Variants in CSPG5 observed in about 807,000 individuals in gnomAD.
CSPG5 encodes acidic leucine-rich EGF-like domain-containing brain protein.
CSPG5 carries 25 observed loss-of-function variants against 39.8 expected under a neutral mutation model. The ratio of observed to expected loss-of-function variants is 0.63; its 90% CI spans 0.46 to 0.88. CSPG5 has a LOEUF of 0.88. Among genes scored for constraint, CSPG5 ranks in the 40% least tolerant of loss-of-function variants. The probability of loss-of-function intolerance (pLI) is 0.00; values close to 1 mark genes in which losing one functional copy is unlikely to be tolerated. For synonymous variants in CSPG5, 295 were observed against 303.9 expected, an observed-to-expected ratio of 0.97 and a Z score of 0.31; for missense variants, 627 against 702.2, an observed-to-expected ratio of 0.89 and a Z score of 1.21.
At position 47,572,556 on chromosome 3, in the gene CSPG5, C is replaced by G. The variant is rs1206366087; in HGVS notation, c.1382+130G>C. On this transcript the variant is annotated intron_variant, in intron 3 of 4. Coordinates refer to ENST00000264723, the MANE Select transcript of CSPG5 (RefSeq NM_006574.4). The surrounding 1 kb of genome is among the most constrained non-coding windows in gnomAD (Gnocchi z 4.5). ...GAGTGAATTTTTAGCACAGACAAAA[C>G]AGCTGGGAATGGAGCACAGGTGCCA... 1.0e-5 allele frequency: 8 copies of G among 773,138 alleles called. No individual in the cohort carries two copies. Among genetic ancestry groups the G allele is most frequent in the African/African-American group, 1.7e-5 (1 of 57,658 alleles). The allele number at this position is 773,138 out of a possible 1,614,324, so 47.9% of individuals were successfully genotyped here. A position where few individuals can be genotyped will look rare whatever the true frequency, so the allele number is the denominator to read the frequency against.
rs1249629778 is a variant in CSPG5 at position 47,578,073 on chromosome 3, C to A, written c.98-145G>T. The A allele has an allele frequency of 8.2e-6, 10 of 1,216,846 alleles. No homozygotes were observed. Among genetic ancestry groups the A allele is most frequent in the Non-Finnish European group, 7.3e-6 (7 of 956,926 alleles). The allele number at this position is 1,216,846 out of a possible 1,614,324, so 75.4% of individuals were successfully genotyped here. A position where few individuals can be genotyped will look rare whatever the true frequency, so the allele number is the denominator to read the frequency against. On this transcript the variant is annotated intron_variant, in intron 1 of 4. Transcript: ENST00000264723. The surrounding 1 kb of genome is among the most constrained non-coding windows in gnomAD (Gnocchi z 6.0). ...TCAGACCCCACCGCCCCAGTGTGACCCCAGCCACCCGGTACCTCTAAGCCC... is the reference window on the plus strand; with the variant it reads ...TCAGACCCCACCGCCCCAGTGTGACACCAGCCACCCGGTACCTCTAAGCCC...
chr3:47,572,618 G>T lies in CSPG5; in HGVS notation c.1382+68C>A. 1 of 1,332,108 alleles carries T rather than the reference G, an allele frequency of 7.5e-7. No individual in the cohort carries two copies. Among genetic ancestry groups the T allele is most frequent in the Non-Finnish European group, 1.1e-6 (1 of 938,290 alleles). 82.5% of individuals were successfully genotyped at this position (1,332,108 alleles called of 1,614,324 possible). A position where few individuals can be genotyped will look rare whatever the true frequency, so the allele number is the denominator to read the frequency against. ...GACAAAGTCCCTGGATCAGTTGGAG[G>T]GGTGCAGCAGCGTCGGGGGGCCTCC... is the stretch of plus-strand genomic sequence containing the variant. On this transcript the variant is annotated intron_variant, in intron 3 of 4. Transcript: ENST00000264723. The surrounding 1 kb of genome is among the most constrained non-coding windows in gnomAD (Gnocchi z 4.5).
Position 47,562,465 on chromosome 3 carries a change from A to G in CSPG5, c.*135T>C. Reference sequence around the variant, plus strand: ...TTTTGCCTCCTGTACAAAATACATAAAAGCATGCCATGAGATCAGAAAAAG... The same window carrying G: ...TTTTGCCTCCTGTACAAAATACATAGAAGCATGCCATGAGATCAGAAAAAG... On this transcript the variant is annotated 3_prime_UTR_variant, in exon 5 of 5. Transcript: ENST00000264723. 2.2e-6 allele frequency: 2 copies of G among 918,116 alleles called. No individual in the cohort carries two copies. Among genetic ancestry groups the G allele is most frequent in the Non-Finnish European group, 3.3e-6 (2 of 613,298 alleles). 56.9% of individuals were successfully genotyped at this position (918,116 alleles called of 1,614,324 possible).
At position 47,578,327 on chromosome 3, in the gene CSPG5, G is replaced by GC. The variant is rs1169095947; in HGVS notation, c.97+269dup. ...CACCCTCAGGCCCCGCCCCGGCCCC[G>GC]CCCCGGCCCCGCCCCCGGCCCCGCC... is the stretch of plus-strand genomic sequence containing the variant. On this transcript the variant is annotated intron_variant, in intron 1 of 4. Coordinates refer to ENST00000264723, the MANE Select transcript of CSPG5 (RefSeq NM_006574.4). This position sits in a 1 kb window ranked among gnomAD's most constrained non-coding sequence, Gnocchi z 6.0. 1.8e-3 allele frequency among the ~76,000 whole-genome samples: 71 copies of GC among 39,168 alleles called. No individual in the cohort carries two copies. The highest frequency in any genetic ancestry group is 2.7e-3 in the Non-Finnish European group (46 of 16,934). 25.7% of individuals were successfully genotyped at this position (39,168 alleles called of 152,430 possible). A position where few individuals can be genotyped will look rare whatever the true frequency, so the allele number is the denominator to read the frequency against.
At chr3:47,574,971 T>A (rs746501293) in intron 2 of CSPG5, among the ~76,000 whole-genome samples, 1 of 152,008 alleles carries the variant, frequency 6.6e-6, no homozygotes, top group Non-Finnish European at 1.5e-5. Flanking sequence ...AAGAACTTCA[T>A]AGAAAGAAAC....
In CSPG5 at chr3:47,577,417, C is replaced by T. The variant is rs199702237; in HGVS notation, c.609G>A (p.Pro203=). The change falls in exon 2 of 5, where the codon CCG becomes CCA. Residue 203 remains proline, a synonymous_variant. Transcript: ENST00000264723. This position sits in a 1 kb window ranked among gnomAD's most constrained non-coding sequence, Gnocchi z 4.7. ...YPFQGTLEPQ[P]ASDIIDIDYF... is the part of the protein sequence containing the mutation. ...AGTCGATGTCAATGATATCTGATGC[C>T]GGTTGGGGCTCCAGGGTGCCCTGAA... The T allele has an allele frequency of 1.2e-6, 2 of 1,614,144 alleles. No individual in the cohort carries two copies. Among genetic ancestry groups the T allele is most frequent in the Non-Finnish European group, 1.7e-6 (2 of 1,180,028 alleles).
chr3:47,569,275 G>A (rs572013771), intron 3 of CSPG5, 48 bp from the exon 4 acceptor site: 7 of 1,571,354 alleles, frequency 4.5e-6, no homozygotes, highest in Admixed American at 3.4e-5. Flanking sequence ...AAATAATCAC[G>A]GCAAAACATG....
intron 4 of CSPG5, among the ~76,000 whole-genome samples, chr3:47,568,011 T>C (rs543689733): frequency 3.3e-5 from 5 of 152,186 alleles, no homozygotes; most frequent in Non-Finnish European, 7.3e-5. Context: ...GCTGTTGTAG[T>C]AGACAGAGCA....
Position 47,569,819 on chromosome 3 carries a change from C to T in CSPG5, c.1383-592G>A, listed in dbSNP as rs1228095200. On this transcript the variant is annotated intron_variant, in intron 3 of 4. Transcript: ENST00000264723. ...CTTGAGTGCAGTGGCACAATCACAGCTCACTGCAGCCTTGACCTCCTGGAC... is the reference window on the plus strand; with the variant it reads ...CTTGAGTGCAGTGGCACAATCACAGTTCACTGCAGCCTTGACCTCCTGGAC... 2.0e-5 allele frequency among the ~76,000 whole-genome samples: 3 copies of T among 150,420 alleles called. No homozygotes were observed. The East Asian group carries it at 5.9e-4, about 30-fold the overall frequency.
rs1487708675 is a variant in CSPG5 at position 47,575,227 on chromosome 3, A to C, written c.1193+1606T>G. ...GATCACTTGAGGTCAGGAGTTTGAGACCAGCCTGGCCAATATGGTGAAACC... is the reference window on the plus strand; with the variant it reads ...GATCACTTGAGGTCAGGAGTTTGAGCCCAGCCTGGCCAATATGGTGAAACC... On this transcript the variant is annotated intron_variant, in intron 2 of 4. Transcript: ENST00000264723. Among the ~76,000 whole-genome samples, 5 of 152,118 alleles carry C rather than the reference A, an allele frequency of 3.3e-5. No individual in the cohort carries two copies. The South Asian group carries it at 1.0e-3, about 32-fold the overall frequency.
intron 4 of CSPG5, among the ~76,000 whole-genome samples, chr3:47,563,846 G>A (rs984022266): frequency 2.0e-5 from 3 of 152,170 alleles, no homozygotes; most frequent in Non-Finnish European, 2.9e-5. Flanking sequence ...GAGCCACCAC[G>A]CCGGCTTGAA....
intron 3 of CSPG5, among the ~76,000 whole-genome samples, chr3:47,569,742 ATTCTT>A (rs1337938853): frequency 7.1e-6 from 1 of 141,152 alleles, no homozygotes; most frequent in African/African-American, 2.5e-5. Flanking sequence ...AGGCTTTTCT[ATTCTT>A]TTCTTTTTTT....
Position 47,578,763 on chromosome 3 carries a change from G to A in CSPG5, c.-70C>T. 1 of 275,936 alleles carries A rather than the reference G, an allele frequency of 3.6e-6. No individual in the cohort carries two copies. Among genetic ancestry groups the A allele is most frequent in the Non-Finnish European group, 5.4e-6 (1 of 183,760 alleles). 17.1% of individuals were successfully genotyped at this position (275,936 alleles called of 1,614,324 possible). The stretch of plus-strand genomic sequence containing the variant: ...CGCCCTCGGCTCGCCCGGCCGCCGC[G>A]CCTCCCGCCGGTTCTGCGGCCGCCT... On this transcript the variant is annotated 5_prime_UTR_variant, in exon 1 of 5. Coordinates refer to ENST00000264723, the MANE Select transcript of CSPG5 (RefSeq NM_006574.4). The surrounding 1 kb of genome is among the most constrained non-coding windows in gnomAD (Gnocchi z 6.0).
At chr3:47,566,266 GGGGGTGGGGAGAGA>G (rs771418929) in intron 4 of CSPG5, among the ~76,000 whole-genome samples, 42 of 152,262 alleles carry the variant, frequency 2.8e-4, no homozygotes, top group Middle Eastern at 3.4e-3. Flanking sequence ...CAAGGAGTTT[GGGGGTGGGGAGAGA>G]GGGGTGGGGA....
intron 3 of CSPG5, among the ~76,000 whole-genome samples, chr3:47,569,859 C>T (rs868338531): frequency 6.6e-6 from 1 of 151,358 alleles, no homozygotes; most frequent in South Asian, 2.1e-4. Context: ...GTGATCTTTC[C>T]ACCTCGGCCT....
chr3:47,578,657 G>A lies in CSPG5; in HGVS notation c.37C>T (p.Pro13Ser). Residue 13 changes from proline to serine, a missense_variant, in exon 1 of 5, where the codon CCG becomes TCG. By Grantham distance (74) the Pro-to-Ser change is moderately conservative. Transcript: ENST00000264723. This position sits in a 1 kb window ranked among gnomAD's most constrained non-coding sequence, Gnocchi z 6.0. ...CCCAGAAACAGCAGCAGTGGCGGCG[G>A]CCCCCGGCCCGGGCCCCCGCCCCCG... ...RAGGGGPGRG[P>S]PPLLLFLGAA... 1 of 1,114,996 alleles carries A rather than the reference G, an allele frequency of 9.0e-7. No individual in the cohort carries two copies. The highest frequency in any genetic ancestry group is 1.1e-6 in the Non-Finnish European group (1 of 910,192). The allele number at this position is 1,114,996 out of a possible 1,614,324, so 69.1% of individuals were successfully genotyped here. A position where few individuals can be genotyped will look rare whatever the true frequency, so the allele number is the denominator to read the frequency against.
At position 47,578,480 on chromosome 3, in the gene CSPG5, G is replaced by A; in HGVS notation, c.97+117C>T. 1 of 270,560 alleles carries A rather than the reference G, an allele frequency of 3.7e-6. No homozygotes were observed. Among genetic ancestry groups the A allele is most frequent in the Non-Finnish European group, 6.5e-6 (1 of 154,684 alleles). The allele number at this position is 270,560 out of a possible 1,614,324, so 16.8% of individuals were successfully genotyped here. A position where few individuals can be genotyped will look rare whatever the true frequency, so the allele number is the denominator to read the frequency against. On this transcript the variant is annotated intron_variant, in intron 1 of 4. Transcript: ENST00000264723. The surrounding 1 kb of genome is among the most constrained non-coding windows in gnomAD (Gnocchi z 6.0). ...CCATTCCGCCGCCCGGCCGCGGCCA[G>A]GCGGTGCCCCGCCCCCTTGCCACAG...
At chr3:47,564,994 C>G (rs1296155694) in intron 4 of CSPG5, among the ~76,000 whole-genome samples, 1 of 152,114 alleles carries the variant, frequency 6.6e-6, no homozygotes, top group Non-Finnish European at 1.5e-5. Context: ...ATCACCTCTC[C>G]TCTTACAAGG....
At chr3:47,569,509 CAGG>C (rs2031446790) in intron 3 of CSPG5, among the ~76,000 whole-genome samples, 1 of 151,386 alleles carries the variant, frequency 6.6e-6, no homozygotes, top group Admixed American at 6.6e-5. Context: ...GAGGCTGAGG[CAGG>C]AGAATTGTTT....
Sources: gnomAD v4.1 joint callset for allele counts (sites outside exome capture counted in the v4.1 genomes callset) on GRCh38, gnomAD v4.1.1 for gene constraint, Gnocchi (gnomAD v3.1) non-coding constraint, MANE v1.5 for transcripts, NCBI Gene and HGNC (gene_info 2026-07-23, HGNC 2026-07-21) for gene names.